CFAP210: variants seen among roughly 807,000 people sequenced by gnomAD.
CFAP210 encodes the protein cilia- and flagella- associated protein 210.
the CFAP210 span, among the ~76,000 whole-genome samples, chr2:169,678,263 C>T: frequency 6.7e-6 from 1 of 148,438 alleles, no homozygotes; most frequent in African/African-American, 2.5e-5. Context: ...ATTGCTTGAA[C>T]CCGGGAGGCG....
the CFAP210 span, among the ~76,000 whole-genome samples, chr2:169,651,728 T>C: frequency 6.6e-6 from 1 of 152,166 alleles, no homozygotes; most frequent in African/African-American, 2.4e-5. Flanking sequence ...ATAAAAGGCC[T>C]TTATTTAAAT....
chr2:169,648,162 CAAAAAAAAAAAAAAAAAA>C, the CFAP210 span: 9 of 97,946 alleles, frequency 9.2e-5, no homozygotes, highest in South Asian at 2.7e-4. Context: ...AACTCTGTCT[CAAAAAAAAAAAAAAAAAA>C]AAAAAAAAAA....
chr2:169,654,097 C>A, the CFAP210 span: 1 of 1,609,680 alleles, frequency 6.2e-7, no homozygotes. Context: ...GCCTCTTTTT[C>A]TTTCCCCATT....
At chr2:169,675,022 G>A in the CFAP210 span, 1 of 1,515,052 alleles carries the variant, frequency 6.6e-7, no homozygotes, top group Non-Finnish European at 8.8e-7. Context: ...TTGGCTTCAA[G>A]TTTCTGTTCT....
the CFAP210 span, among the ~76,000 whole-genome samples, chr2:169,651,753 A>C: frequency 6.6e-6 from 1 of 152,192 alleles, no homozygotes; most frequent in African/African-American, 2.4e-5. Context: ...TCAAGGAAAT[A>C]ATCTAATAAA....
the CFAP210 span, among the ~76,000 whole-genome samples, chr2:169,692,918 G>C: frequency 6.6e-6 from 1 of 152,160 alleles, no homozygotes; most frequent in African/African-American, 2.4e-5. Flanking sequence ...AAAAGTATAG[G>C]ACTATGGCAA....
chr2:169,694,283 A>G, the CFAP210 span: 1 of 1,614,042 alleles, frequency 6.2e-7, no homozygotes, highest in Non-Finnish European at 8.5e-7. Context: ...TCGCCCGTCC[A>G]CAGCGCCGTC....
chr2:169,645,885 ATT>A, the CFAP210 span: 1 of 1,613,410 alleles, frequency 6.2e-7, no homozygotes, highest in South Asian at 1.1e-5. Flanking sequence ...TGAAAATTAT[ATT>A]TTGGTCCCTG....
At chr2:169,679,468 G>C in the CFAP210 span, among the ~76,000 whole-genome samples, 1 of 152,026 alleles carries the variant, frequency 6.6e-6, no homozygotes, top group South Asian at 2.1e-4. Context: ...CACGAGGTCA[G>C]GATATCAAGA....
At chr2:169,649,283 C>T in the CFAP210 span, 1 of 1,613,756 alleles carries the variant, frequency 6.2e-7, no homozygotes, top group South Asian at 1.1e-5. Context: ...GCTTTCATGA[C>T]AGCCAGCAAT....
chr2:169,646,093 T>A, the CFAP210 span: 3 of 1,613,746 alleles, frequency 1.9e-6, no homozygotes, highest in Non-Finnish European at 2.5e-6. Flanking sequence ...CCTGAAATTC[T>A]TTCTCCTTTT....
the CFAP210 span, among the ~76,000 whole-genome samples, chr2:169,684,810 G>A: frequency 8.7e-4 from 133 of 152,124 alleles, no homozygotes; most frequent in African/African-American, 3.0e-3. Flanking sequence ...GCACCACCAT[G>A]CCCAGCTAAT....
the CFAP210 span, among the ~76,000 whole-genome samples, chr2:169,679,476 A>G: frequency 6.6e-6 from 1 of 152,222 alleles, no homozygotes; most frequent in East Asian, 1.9e-4. Flanking sequence ...CAGGATATCA[A>G]GACCATCCTG....
chr2:169,675,039 C>A, the CFAP210 span: 49 of 1,480,800 alleles, frequency 3.3e-5, no homozygotes, highest in Non-Finnish European at 4.1e-5. Flanking sequence ...TTCTTTCATC[C>A]CCTGTAAAAA....
the CFAP210 span, among the ~76,000 whole-genome samples, chr2:169,649,765 C>G: frequency 1.3e-5 from 2 of 152,046 alleles, no homozygotes; most frequent in African/African-American, 4.8e-5. Context: ...AACGCTGTCT[C>G]TACTAAAAAT....
the CFAP210 span, among the ~76,000 whole-genome samples, chr2:169,652,324 C>T: frequency 6.6e-6 from 1 of 152,118 alleles, no homozygotes; most frequent in African/African-American, 2.4e-5. Context: ...AGAAAGCCTT[C>T]AGAGAAAAGG....
the CFAP210 span, chr2:169,674,574 A>C: frequency 1.9e-6 from 3 of 1,586,450 alleles, no homozygotes; most frequent in Non-Finnish European, 1.7e-6. Flanking sequence ...ATGTATACAT[A>C]CTGTTTTAGA....
the CFAP210 span, among the ~76,000 whole-genome samples, chr2:169,653,055 T>A: frequency 1.0e-5 from 1 of 100,008 alleles, no homozygotes; most frequent in Non-Finnish European, 1.9e-5. Context: ...TATATATATA[T>A]ATATATATAT....
the CFAP210 span, chr2:169,680,958 C>T: frequency 1.4e-6 from 2 of 1,474,182 alleles, no homozygotes; most frequent in Non-Finnish European, 1.9e-6. Context: ...TACTAAGAAA[C>T]AAGAGTAAGT....
Sources: gnomAD v4.1 joint callset for allele counts (sites outside exome capture counted in the v4.1 genomes callset) on GRCh38, gnomAD v4.1.1 for gene constraint, MANE v1.5 for transcripts, NCBI Gene and HGNC (gene_info 2026-07-23, HGNC 2026-07-21) for gene names.